Variants in BRINP1 observed in about 807,000 individuals in gnomAD.
BRINP1 encodes the protein BMP/retinoic acid-inducible neural-specific protein 1.
BRINP1 carries 17 observed loss-of-function variants against 72.9 expected under a neutral mutation model. The observed-to-expected ratio is 0.23, with a 90% CI of 0.16 to 0.35. BRINP1 has a LOEUF of 0.35. BRINP1 is among the 10% of genes least tolerant of loss of function. BRINP1 has a pLI of 1.00. For missense variants in BRINP1, 850 were observed against 1,001.6 expected, an observed-to-expected ratio of 0.85 and a Z score of 2.04; for synonymous variants, 418 against 378.5, an observed-to-expected ratio of 1.10 and a Z score of -1.21.
intron 7 of BRINP1, among the ~76,000 whole-genome samples, chr9:119,195,232 C>T (rs1390297531): frequency 6.6e-6 from 1 of 152,094 alleles, no homozygotes; most frequent in Non-Finnish European, 1.5e-5. Context: ...CACTTGTATC[C>T]CGCCTGGCAC....
chr9:119,240,540 C>G (rs753009811), intron 4 of BRINP1, among the ~76,000 whole-genome samples: 1 of 152,120 alleles, frequency 6.6e-6, no homozygotes, highest in African/African-American at 2.4e-5. Flanking sequence ...TCCCATCCAG[C>G]GAGGAGAGAA....
intron 5 of BRINP1, among the ~76,000 whole-genome samples, chr9:119,235,056 A>G (rs1057316739): frequency 1.3e-5 from 2 of 152,122 alleles, no homozygotes; most frequent in Non-Finnish European, 1.5e-5. Context: ...ATTTCTGTCC[A>G]TCTCAACTGG....
rs1026693275 is a variant in BRINP1 at position 119,339,858 on chromosome 9, C to T, written c.-50-26453G>A. ...TTAGAATGTAGGCCATTCTACATGG[C>T]CCCAAAATCCTGGGTGGGTTCTGGC... On this transcript the variant is annotated intron_variant, in intron 1 of 7. Transcript: ENST00000265922. Among the ~76,000 whole-genome samples, 10 of 152,168 alleles carry T rather than the reference C, an allele frequency of 6.6e-5. No individual in the cohort carries two copies. The East Asian group carries it at 1.9e-3, about 29-fold the overall frequency.
At chr9:119,186,303 C>A (rs1001343990) in intron 7 of BRINP1, among the ~76,000 whole-genome samples, 1 of 152,176 alleles carries the variant, frequency 6.6e-6, no homozygotes, top group Non-Finnish European at 1.5e-5. Context: ...TGCCCCTCCA[C>A]GACCAGGTAC....
intron 2 of BRINP1, among the ~76,000 whole-genome samples, chr9:119,257,430 T>G (rs1462314878): frequency 2.0e-5 from 3 of 152,174 alleles, no homozygotes; most frequent in Admixed American, 6.6e-5. Context: ...TTTCTGGCGG[T>G]CTGGCTTAAT....
intron 2 of BRINP1, among the ~76,000 whole-genome samples, chr9:119,286,333 C>A (rs1010324294): frequency 1.3e-5 from 2 of 151,682 alleles, no homozygotes; most frequent in Admixed American, 6.6e-5. Context: ...CCTGGGTTCA[C>A]GCCATTCTCC....
intron 5 of BRINP1, among the ~76,000 whole-genome samples, chr9:119,225,161 C>T (rs1016318296): frequency 1.3e-5 from 2 of 152,034 alleles, no homozygotes; most frequent in East Asian, 3.9e-4. Flanking sequence ...AAATGAAAAA[C>T]TAAAATGTAG....
At chr9:119,268,289 T>TAGATAGAC (rs1554752352) in intron 2 of BRINP1, among the ~76,000 whole-genome samples, 40 of 148,702 alleles carry the variant, frequency 2.7e-4, no homozygotes, top group Middle Eastern at 3.5e-3. Context: ...GATAGATAGA[T>TAGATAGAC]AGATAGATAG....
intron 7 of BRINP1, among the ~76,000 whole-genome samples, chr9:119,206,928 A>G (rs552387161): frequency 7.2e-5 from 11 of 152,366 alleles, no homozygotes; most frequent in Admixed American, 6.5e-4. Context: ...CATTGCAACA[A>G]GAAACTGGCA....
intron 2 of BRINP1, among the ~76,000 whole-genome samples, chr9:119,304,304 G>A (rs565165875): frequency 2.0e-5 from 3 of 152,226 alleles, no homozygotes; most frequent in Non-Finnish European, 4.4e-5. Context: ...TTCACAGGTA[G>A]TAAGTGGCAG....
chr9:119,228,362 A>G (rs1445927412), intron 5 of BRINP1, among the ~76,000 whole-genome samples: 1 of 152,058 alleles, frequency 6.6e-6, no homozygotes, highest in Admixed American at 6.6e-5. Flanking sequence ...GCACTACATT[A>G]AATATTACGA....
intron 1 of BRINP1, among the ~76,000 whole-genome samples, chr9:119,328,046 G>A (rs949115276): frequency 5.9e-5 from 9 of 152,162 alleles, no homozygotes; most frequent in African/African-American, 2.2e-4. Flanking sequence ...CAAATAAATA[G>A]TAAGCAATGC....
chr9:119,179,793 C>G (rs905512875), intron 7 of BRINP1, among the ~76,000 whole-genome samples: 1 of 152,164 alleles, frequency 6.6e-6, no homozygotes, highest in Non-Finnish European at 1.5e-5. Flanking sequence ...GCTCTATATT[C>G]CCTGCCCTCT....
At chr9:119,333,788 G>A (rs1298692940) in intron 1 of BRINP1, among the ~76,000 whole-genome samples, 1 of 152,062 alleles carries the variant, frequency 6.6e-6, no homozygotes, top group African/African-American at 2.4e-5. Context: ...AAAGGAACAA[G>A]GTGTTTCATT....
chr9:119,209,282 T>G (rs1023835087), intron 6 of BRINP1, among the ~76,000 whole-genome samples: 1 of 152,122 alleles, frequency 6.6e-6, no homozygotes, highest in African/African-American at 2.4e-5. Flanking sequence ...ACTTAAAAAT[T>G]GAAAACAAGG....
rs887233557 is a variant in BRINP1 at position 119,167,242 on chromosome 9, C to T, written c.2128G>A (p.Val710Met). ...RDRINRLAPP[V>M]APGKPQLDLF... is the part of the protein sequence containing the mutation. ...TCCAGCTGGGGTTTCCCCGGGGCCA[C>T]AGGAGGGGCCAGGCGATTAATTCGG... Residue 710 changes from valine (V) to methionine (M), a missense_variant, in exon 8 of 8, where the codon GTG (valine) becomes ATG (methionine). Val to Met is a conservative substitution (Grantham distance 21, BLOSUM62 1). Coordinates refer to ENST00000265922, the MANE Select transcript of BRINP1 (RefSeq NM_014618.3). This position sits in a 1 kb window ranked among gnomAD's most constrained non-coding sequence, Gnocchi z 4.3. The T allele has an allele frequency of 2.5e-6, 4 of 1,614,034 alleles. No homozygotes were observed. Among genetic ancestry groups the T allele is most frequent in the African/African-American group, 1.3e-5 (1 of 74,916 alleles).
At chr9:119,218,746 A>AT (rs10685419) in intron 5 of BRINP1, among the ~76,000 whole-genome samples, 28,725 of 133,168 alleles carry the variant, frequency 0.22, 3,321 homozygotes, top group African/African-American at 0.3. Context: ...AAACTCAGGG[A>AT]TTTTTTTTTT....
intron 5 of BRINP1, among the ~76,000 whole-genome samples, chr9:119,235,114 A>G (rs1830181860): frequency 1.3e-5 from 2 of 152,184 alleles, no homozygotes; most frequent in South Asian, 2.1e-4. Context: ...GTTCTGTAGT[A>G]GCCCCCTAAA....
At chr9:119,270,754 T>A (rs1047243526) in intron 2 of BRINP1, among the ~76,000 whole-genome samples, 3 of 152,126 alleles carry the variant, frequency 2.0e-5, no homozygotes, top group Admixed American at 2.0e-4. Context: ...GCAGTTGAGT[T>A]GACAAATCTA....
Sources: gnomAD v4.1 joint callset for allele counts (sites outside exome capture counted in the v4.1 genomes callset) on GRCh38, gnomAD v4.1.1 for gene constraint, Gnocchi (gnomAD v3.1) non-coding constraint, MANE v1.5 for transcripts, NCBI Gene and HGNC (gene_info 2026-07-23, HGNC 2026-07-21) for gene names.